The following RNH1 variants were observed in gnomAD, a reference collection of about 807,000 sequenced individuals.
RNH1 encodes the protein ribonuclease inhibitor.
Under a neutral mutation model 46.1 loss-of-function variants are expected in RNH1, and 38 were observed. The ratio of observed to expected loss-of-function variants is 0.82; its 90% confidence interval spans 0.64 to 1.08. The LOEUF is 1.08. Among genes scored for constraint, RNH1 ranks in the 50% least tolerant of loss-of-function variants. The pLI is 0.00. For synonymous variants in RNH1, 319 were observed against 279.1 expected (o/e 1.14, Z -1.43); for missense variants, 577 against 590.7 (o/e 0.98, Z 0.24).
At chr11:497,246 C>G (rs1379963487) in intron 9 of RNH1, among the ~76,000 whole-genome samples, 1 of 144,978 alleles carries the variant, frequency 6.9e-6, no homozygotes, top group Non-Finnish European at 1.5e-5. Context: ...CACACGGACA[C>G]TCATGCTCAC....
chr11:498,323 C>T (rs1849363360), intron 8 of RNH1, 134 bp downstream of exon 8: 10 of 1,320,614 alleles, frequency 7.6e-6, no homozygotes, highest in Non-Finnish European at 9.3e-6. Flanking sequence ...ACAGGCTGCT[C>T]CCTGGCCTAT....
intron 9 of RNH1, among the ~76,000 whole-genome samples, chr11:495,359 G>A (rs373044440): frequency 2.6e-5 from 4 of 152,166 alleles, no homozygotes; most frequent in Non-Finnish European, 5.9e-5. Context: ...TTGTCACCTC[G>A]ACACCGTCTG....
chr11:497,573 G>A lies in RNH1; in HGVS notation c.1127+398C>T, dbSNP rs866084318. Among the ~76,000 whole-genome samples the A allele has an allele frequency of 5.4e-4, 38 of 69,736 alleles. 3 individuals are homozygous for A. Among genetic ancestry groups the A allele is most frequent in the African/African-American group, 2.1e-3 (34 of 15,912 alleles). 45.7% of individuals were successfully genotyped at this position (69,736 alleles called of 152,430 possible). A position where few individuals can be genotyped will look rare whatever the true frequency, so the allele number is the denominator to read the frequency against. ...CTCTCACGTGCTCACACACGGACAC[G>A]TGCTCATTCTTGCCCATGTGCTCAC... On this transcript the variant is annotated intron_variant, in intron 9 of 10. Transcript: ENST00000354420.
intron 9 of RNH1, among the ~76,000 whole-genome samples, chr11:496,578 A>C (rs1309649985): frequency 1.3e-5 from 2 of 152,230 alleles, no homozygotes; most frequent in Non-Finnish European, 2.9e-5. Flanking sequence ...TTGAGACAGG[A>C]GAATGGCATG....
intron 9 of RNH1, among the ~76,000 whole-genome samples, chr11:496,485 C>T (rs1183826827): frequency 1.3e-5 from 2 of 152,104 alleles, no homozygotes; most frequent in African/African-American, 4.8e-5. Context: ...CTGGCTAACA[C>T]GGTGAAACCC....
At chr11:500,278 C>T (rs7131513) in intron 4 of RNH1, 194,815 of 695,888 alleles carry the variant, frequency 0.28, 28,044 homozygotes, top group African/African-American at 0.31. Context: ...ATCTTGGGTG[C>T]GGGGGCTGGG....
At chr11:504,430 A>C (rs1850059773) in intron 2 of RNH1, 1 of 152,808 alleles carries the variant, frequency 6.5e-6, no homozygotes, top group African/African-American at 2.4e-5. Context: ...CGCTCACCCG[A>C]CGCCGCCGCC....
intron 9 of RNH1, among the ~76,000 whole-genome samples, chr11:497,449 TCA>T (rs758573615): frequency 7.7e-5 from 10 of 130,136 alleles, no homozygotes; most frequent in South Asian, 2.5e-4. Context: ...GCCCATGTGC[TCA>T]CACACACTCG....
chr11:501,957 A>C lies in RNH1; in HGVS notation c.101+105T>G. 1.4e-6 allele frequency: 1 copy of C among 693,640 alleles called. No individual in the cohort carries two copies. 43.0% of individuals were successfully genotyped at this position (693,640 alleles called of 1,614,324 possible). On this transcript the variant is annotated intron_variant, in intron 3 of 10. Coordinates refer to ENST00000354420, the MANE Select transcript of RNH1 (RefSeq NM_203387.3). This position sits in a 1 kb window ranked among gnomAD's most constrained non-coding sequence, Gnocchi z 4.1. The stretch of plus-strand genomic sequence containing the variant: ...GGTAGCTGCACAGAATTCATACTTC[A>C]TGTCCACAAACAAGGCGTTCCAGAG...
chr11:500,873 A>G (rs2133906435), intron 3 of RNH1: 1 of 667,418 alleles, frequency 1.5e-6, no homozygotes, highest in African/African-American at 1.8e-5. Flanking sequence ...TCACGCCTGT[A>G]ATCCCAGCAC....
rs372756735 is a variant in RNH1 at position 499,694 on chromosome 11, G to A, written c.443+135C>T. 69 of 1,064,680 alleles carry A rather than the reference G, an allele frequency of 6.5e-5. No individual in the cohort carries two copies. In the East Asian group the frequency reaches 1.0e-3, roughly 16 times the overall value. The allele number at this position is 1,064,680 out of a possible 1,614,324, so 66.0% of individuals were successfully genotyped here. Reference sequence around the variant, plus strand: ...AAGGCCCCAGACCCAGCATCATGGGGAAAGGAGAGCACCACAAGGCCCCTG... The same window carrying A: ...AAGGCCCCAGACCCAGCATCATGGGAAAAGGAGAGCACCACAAGGCCCCTG... On this transcript the variant is annotated intron_variant, in intron 5 of 10. Transcript: ENST00000354420.
Position 498,573 on chromosome 11 carries a change from G to A in RNH1, c.840C>T (p.Leu280=). The A allele has an allele frequency of 1.2e-6, 2 of 1,613,078 alleles. No individual in the cohort carries two copies. Among genetic ancestry groups the A allele is most frequent in the Non-Finnish European group, 8.5e-7 (1 of 1,180,026 alleles). ...GCTCCTTCAGGCTCTCCTTGGCCCTGAGGACACGGCACAGATCCCCGCAGC... is the reference window on the plus strand; with the variant it reads ...GCTCCTTCAGGCTCTCCTTGGCCCTAAGGACACGGCACAGATCCCCGCAGC... ...AKGCGDLCRV[L]RAKESLKELS... Residue 280 remains leucine, a synonymous_variant, in exon 8 of 11, where the codon CTC becomes CTT. Transcript: ENST00000354420.
At chr11:505,098 T>A (rs1000784615) in intron 1 of RNH1, 102 bp from the exon 2 acceptor site, 1 of 152,140 alleles carries the variant, frequency 6.6e-6, no homozygotes, top group Non-Finnish European at 1.5e-5. Context: ...TAATGCCTCA[T>A]GTCTCTCTAA....
chr11:499,766 TA>T, intron 5 of RNH1, 62 bp downstream of exon 5: 1 of 1,569,560 alleles, frequency 6.4e-7, no homozygotes, highest in South Asian at 1.2e-5. Flanking sequence ...ATGTTCTATG[TA>T]GGGGGCTGGC....
chr11:503,878 C>T (rs1849981059), intron 2 of RNH1, among the ~76,000 whole-genome samples: 2 of 152,196 alleles, frequency 1.3e-5, no homozygotes, highest in Admixed American at 1.3e-4. Flanking sequence ...CCTTCTGAAT[C>T]TCTGTGGGTC....
intron 9 of RNH1, 26 bp from the exon 10 acceptor site, chr11:495,079 G>C: frequency 1.9e-6 from 3 of 1,593,292 alleles, no homozygotes; most frequent in Non-Finnish European, 2.6e-6. Context: ...CGGGGGTCAG[G>C]GTGCCGGGCG....
rs771142687 is a variant in RNH1, at chr11:499,234, G to A, written c.444-49C>T. 4 of 1,596,588 alleles carry A rather than the reference G, an allele frequency of 2.5e-6. No homozygotes were observed. In the African/African-American group the frequency reaches 5.4e-5, roughly 21 times the overall value. On this transcript the variant is annotated intron_variant, in intron 5 of 10. Coordinates refer to ENST00000354420, the MANE Select transcript of RNH1 (RefSeq NM_203387.3). ...CCACACAGGAATGTGCACCAGCCAA[G>A]GGTGTGATACCAGGGAGCACGGGGT...
chr11:499,747 T>C (rs1849566314), intron 5 of RNH1, 82 bp downstream of exon 5: 1 of 1,536,382 alleles, frequency 6.5e-7, no homozygotes, highest in Non-Finnish European at 8.9e-7. Context: ...TCACGGCTCC[T>C]GGCAGGCGAT....
intron 4 of RNH1, chr11:500,248 G>A (rs7113204): frequency 0.22 from 148,914 of 667,698 alleles, 16,797 homozygotes; most frequent in Middle Eastern, 0.25. Flanking sequence ...TGGAAGGCTA[G>A]GGATGGCGGG....
Sources: gnomAD v4.1 joint callset for allele counts (sites outside exome capture counted in the v4.1 genomes callset) on GRCh38, gnomAD v4.1.1 for gene constraint, Gnocchi (gnomAD v3.1) non-coding constraint, MANE v1.5 for transcripts, NCBI Gene and HGNC (gene_info 2026-07-23, HGNC 2026-07-21) for gene names.